Variants in FKBP6 observed in about 807,000 individuals in gnomAD.
FKBP6 encodes inactive peptidyl-prolyl cis-trans isomerase FKBP6.
In FKBP6, 29 loss-of-function variants were observed where a neutral mutation model predicts 41.7. The observed-to-expected ratio is 0.70, with a 90% CI of 0.52 to 0.95. FKBP6 has a LOEUF of 0.95. Ranked by LOEUF, FKBP6 falls within the 40% of genes least tolerant of loss-of-function variation. FKBP6 has a pLI of 0.00. For synonymous variants in FKBP6, 130 were observed against 165.1 expected (o/e 0.79, Z 1.63); for missense variants, 338 against 408.7 (o/e 0.83, Z 1.49).
intron 3 of FKBP6, 161 bp downstream of exon 3, chr7:73,329,610 A>G: frequency 1.5e-6 from 1 of 680,308 alleles, no homozygotes; most frequent in Non-Finnish European, 2.7e-6. Context: ...CTTGAGACCT[A>G]GGCATTTGGG....
chr7:73,330,268 C>T lies in FKBP6; in HGVS notation c.384C>T (p.Pro128=), dbSNP rs371618364. ...YGTLGCPPLI[P]PNTTVLFEIE... is the part of the protein sequence containing the mutation. Reference sequence around the variant, plus strand: ...CGCTGGGCTGCCCTCCCTTGATCCCCCCAAACACCACTGTCCTGTTTGAGA... The same window carrying T: ...CGCTGGGCTGCCCTCCCTTGATCCCTCCAAACACCACTGTCCTGTTTGAGA... The change falls in exon 4 of 9, where the codon CCC becomes CCT. Residue 128 remains proline (P), a synonymous_variant. Transcript: ENST00000252037. 448 of 1,614,150 alleles carry T rather than the reference C, an allele frequency of 2.8e-4. 1 individual carries two copies. Among genetic ancestry groups the T allele is most frequent in the Middle Eastern group, 2.5e-3 (15 of 6,062 alleles).
chr7:73,332,930 G>A (rs1554547943), intron 5 of FKBP6, among the ~76,000 whole-genome samples: 2 of 152,130 alleles, frequency 1.3e-5, no homozygotes, highest in African/African-American at 4.8e-5. Flanking sequence ...TTTGCTTCTT[G>A]TGTAGGTTAT....
chr7:73,345,357 G>A lies in FKBP6; in HGVS notation c.*2+2458G>A, dbSNP rs563424330. Among the ~76,000 whole-genome samples, 6 of 152,112 alleles carry A rather than the reference G, an allele frequency of 3.9e-5. No individual in the cohort carries two copies. The South Asian group carries it at 6.2e-4, about 16-fold the overall frequency. ...GGCCTTAGGGACTCAGTCTCCCCTC[G>A]GCTTTGTTTTCTCCCCCTGTAGGGA... On this transcript the variant is annotated intron_variant, in intron 8 of 8. Coordinates refer to ENST00000252037, the MANE Select transcript of FKBP6 (RefSeq NM_003602.5).
chr7:73,357,278 T>TC (rs1370927562), intron 8 of FKBP6, among the ~76,000 whole-genome samples: 3 of 144,168 alleles, frequency 2.1e-5, no homozygotes, highest in Non-Finnish European at 3.0e-5. Flanking sequence ...GGTTTTTTTT[T>TC]TTTTTTTTTT....
At chr7:73,353,553 C>T (rs1029399580) in intron 8 of FKBP6, among the ~76,000 whole-genome samples, 1 of 152,186 alleles carries the variant, frequency 6.6e-6, no homozygotes, top group African/African-American at 2.4e-5. Context: ...CAGCTCACCT[C>T]ATCTTTCTGC....
At chr7:73,332,547 C>T (rs979043532) in intron 5 of FKBP6, among the ~76,000 whole-genome samples, 5 of 150,678 alleles carry the variant, frequency 3.3e-5, no homozygotes, top group Admixed American at 2.0e-4. Flanking sequence ...AGGGGACTAA[C>T]GGGGGGATAA....
chr7:73,347,802 G>A (rs991934452), intron 8 of FKBP6, among the ~76,000 whole-genome samples: 4 of 152,200 alleles, frequency 2.6e-5, no homozygotes, highest in Admixed American at 2.0e-4. Context: ...GTGCCACCAC[G>A]TCCAGCTAAT....
At chr7:73,333,138 G>A (rs1354019450) in intron 5 of FKBP6, among the ~76,000 whole-genome samples, 1 of 152,046 alleles carries the variant, frequency 6.6e-6, no homozygotes. Context: ...TGGCATGGTG[G>A]TGGGTGCCTG....
At position 73,340,617 on chromosome 7, in the gene FKBP6, A is replaced by T. The variant is rs1449012722; in HGVS notation, c.589-21A>T. On this transcript the variant is annotated intron_variant, in intron 5 of 8. Coordinates refer to ENST00000252037, the MANE Select transcript of FKBP6 (RefSeq NM_003602.5). ...CATAAGACTGTTACTCCTCTTGACC[A>T]TCTGCCTTCCCTCTCCACAGGCCCT... 21 of 1,607,102 alleles carry T rather than the reference A, an allele frequency of 1.3e-5. No individual in the cohort carries two copies. The Middle Eastern group carries it at 6.0e-4, about 46-fold the overall frequency.
At chr7:73,335,891 C>T (rs1804992490) in intron 5 of FKBP6, among the ~76,000 whole-genome samples, 4 of 152,152 alleles carry the variant, frequency 2.6e-5, no homozygotes, top group Admixed American at 2.0e-4. Context: ...TGGAGCCTGC[C>T]TTGCTGAGCC....
intron 8 of FKBP6, among the ~76,000 whole-genome samples, chr7:73,352,536 C>G (rs1043208204): frequency 6.6e-6 from 1 of 152,148 alleles, no homozygotes; most frequent in Non-Finnish European, 1.5e-5. Context: ...CTGGCTGACC[C>G]CCATTCTGCA....
At chr7:73,333,322 T>C (rs1299119614) in intron 5 of FKBP6, among the ~76,000 whole-genome samples, 2 of 150,300 alleles carry the variant, frequency 1.3e-5, no homozygotes, top group Non-Finnish European at 3.0e-5. Context: ...CTCTGGAACA[T>C]ACTCATATAG....
rs1369124801 is a variant in FKBP6, at chr7:73,328,464, A to T, written c.36A>T (p.Glu12Asp). Residue 12 changes from glutamate to aspartate, a missense_variant, in exon 1 of 9, where the codon GAA becomes GAT. Physicochemically the swap from Glu to Asp is conservative, Grantham distance 45. Transcript: ENST00000252037. The part of the protein sequence containing the change: ...GGSALNQGVL[E>D]GDDAPGQSLY... ...GCGCGTTAAACCAGGGAGTCCTGGAAGGGGACGACGCCCCCGGCCAGGTGA... is the reference window on the plus strand; with the variant it reads ...GCGCGTTAAACCAGGGAGTCCTGGATGGGGACGACGCCCCCGGCCAGGTGA... 1.9e-6 allele frequency: 3 copies of T among 1,552,694 alleles called. No homozygotes were observed. The highest frequency in any genetic ancestry group is 2.6e-6 in the Non-Finnish European group (3 of 1,147,358).
At chr7:73,356,377 T>TCAC (rs1805634238) in intron 8 of FKBP6, among the ~76,000 whole-genome samples, 2 of 152,342 alleles carry the variant, frequency 1.3e-5, no homozygotes, top group South Asian at 2.1e-4. Context: ...CTGGTTGTGA[T>TCAC]GGGTGTGTCT....
intron 2 of FKBP6, 60 bp downstream of exon 2, chr7:73,328,752 G>A (rs1449288682): frequency 6.2e-7 from 1 of 1,611,582 alleles, no homozygotes; most frequent in Non-Finnish European, 8.5e-7. Flanking sequence ...TGGGAAGAGA[G>A]AGGCCTCATT....
At position 73,330,333 on chromosome 7, in the gene FKBP6, A is replaced by G. The variant is rs1554547465; in HGVS notation, c.449A>G (p.Lys150Arg). The G allele has an allele frequency of 1.2e-6, 2 of 1,613,650 alleles. No homozygotes were observed. The highest frequency in any genetic ancestry group is 1.7e-6 in the Non-Finnish European group (2 of 1,179,690). ...LDFLDCAESD[K>R]FCALSAEQQD... is the part of the protein sequence containing the mutation. The stretch of plus-strand genomic sequence containing the variant: ...TTCCTGGACTGTGCTGAGTCAGACA[A>G]GTTTTGTGCTCTCTCAGCTGTAAGT... Residue 150 changes from lysine (K) to arginine (R), a missense_variant, in exon 4 of 9, where the codon AAG becomes AGG. Lys to Arg is a conservative substitution (Grantham distance 26). Coordinates refer to ENST00000252037, the MANE Select transcript of FKBP6 (RefSeq NM_003602.5).
In FKBP6 at chr7:73,348,785, A is replaced by G. The variant is rs189900110; in HGVS notation, c.*2+5886A>G. Among the ~76,000 whole-genome samples the G allele has an allele frequency of 3.3e-5, 5 of 152,338 alleles. No homozygotes were observed. The East Asian group carries it at 7.7e-4, about 23-fold the overall frequency. ...AACTCAGAAACACCTACTTATAGTC[A>G]CTAGTTTATTACAGAGGTTTTTAAA... is the stretch of plus-strand genomic sequence containing the variant. On this transcript the variant is annotated intron_variant, in intron 8 of 8. Coordinates refer to ENST00000252037, the MANE Select transcript of FKBP6 (RefSeq NM_003602.5).
chr7:73,351,438 A>G (rs1035112191), intron 8 of FKBP6, among the ~76,000 whole-genome samples: 1 of 151,920 alleles, frequency 6.6e-6, no homozygotes, highest in African/African-American at 2.4e-5. Flanking sequence ...CCAGGAAGGC[A>G]TTCTCTTATT....
rs781922879 is a variant in FKBP6 at position 73,340,776 on chromosome 7, G to C, written c.727G>C (p.Glu243Gln). ...DRPTIALCYG[E>Q]QALIIDQKNA... ...ACCCACCATAGCCCTGTGCTATGGAGAGCAGGCTTTGATCATTGACCAAAA... is the reference window on the plus strand; with the variant it reads ...ACCCACCATAGCCCTGTGCTATGGACAGCAGGCTTTGATCATTGACCAAAA... Residue 243 changes from glutamate to glutamine, a missense_variant, in exon 6 of 9, where the codon GAG (glutamate) becomes CAG (glutamine). Physicochemically the swap from Glu to Gln is conservative, Grantham distance 29. Around this residue, in one of 2 missense-constraint regions of FKBP6, gnomAD observed 239 missense variants for 250.1 expected, o/e 0.96. Coordinates refer to ENST00000252037, the MANE Select transcript of FKBP6 (RefSeq NM_003602.5). 1.2e-6 allele frequency: 2 copies of C among 1,614,136 alleles called. No homozygotes were observed.
Sources: gnomAD v4.1 joint callset for allele counts (sites outside exome capture counted in the v4.1 genomes callset) on GRCh38, gnomAD v4.1.1 for gene constraint, gnomAD v4.1.1 regional missense constraint, MANE v1.5 for transcripts, NCBI Gene and HGNC (gene_info 2026-07-23, HGNC 2026-07-21) for gene names.